TRPS1: variants seen among roughly 807,000 people sequenced by gnomAD.
TRPS1 encodes the protein zinc finger transcription factor Trps1.
TRPS1 carries 6 observed loss-of-function variants against 101.2 expected under a neutral mutation model. That is an observed-to-expected ratio of 0.06 (90% CI 0.03 to 0.12). TRPS1 has a LOEUF of 0.12. Among genes scored for constraint, TRPS1 ranks in the 10% least tolerant of loss-of-function variants. The probability of loss-of-function intolerance (pLI) is 1.00; values close to 1 mark genes in which losing one functional copy is unlikely to be tolerated. For missense variants in TRPS1, 1,363 were observed against 1,567.0 expected, an observed-to-expected ratio of 0.87 and a Z score of 2.20; for synonymous variants, 578 against 589.8, an observed-to-expected ratio of 0.98 and a Z score of 0.29.
chr8:115,493,885 A>G (rs908737436), intron 5 of TRPS1, among the ~76,000 whole-genome samples: 2 of 152,226 alleles, frequency 1.3e-5, no homozygotes, highest in African/African-American at 4.8e-5. Flanking sequence ...GGGCTATAGC[A>G]TGGAATTATT....
Position 115,457,505 on chromosome 8 carries a change from T to C in TRPS1, c.2701-39053A>G, listed in dbSNP as rs1486374953. On this transcript the variant is annotated intron_variant, in intron 5 of 6. Coordinates refer to ENST00000395715, the MANE Select transcript of TRPS1 (RefSeq NM_014112.5). ...TTTAATGGGTTCAGAGTTTCAGTTT[T>C]AGAAGATCAGAGTTCTGGAGATGGA... Among the ~76,000 whole-genome samples, 4 of 152,164 alleles carry C rather than the reference T, an allele frequency of 2.6e-5. No homozygotes were observed. In the East Asian group the frequency reaches 7.7e-4, roughly 29 times the overall value.
At chr8:115,439,704 C>T (rs1417632106) in intron 5 of TRPS1, among the ~76,000 whole-genome samples, 3 of 152,144 alleles carry the variant, frequency 2.0e-5, no homozygotes, top group African/African-American at 2.4e-5. Context: ...AGCCGTTTGT[C>T]CCTTCTGCTG....
At chr8:115,524,303 C>T (rs1815939077) in intron 5 of TRPS1, among the ~76,000 whole-genome samples, 1 of 137,464 alleles carries the variant, frequency 7.3e-6, no homozygotes, top group Non-Finnish European at 1.6e-5. Context: ...GTTTTCTTTG[C>T]ATTTTCTTCT....
At chr8:115,547,066 T>G (rs1440801096) in intron 5 of TRPS1, among the ~76,000 whole-genome samples, 1 of 152,216 alleles carries the variant, frequency 6.6e-6, no homozygotes, top group Non-Finnish European at 1.5e-5. Context: ...GCATCCAAAT[T>G]ACGGGATGTT....
Position 115,587,339 on chromosome 8 carries a change from C to G in TRPS1, c.2362G>C (p.Gly788Arg). 1 of 1,614,190 alleles carries G rather than the reference C, an allele frequency of 6.2e-7. No individual in the cohort carries two copies. Among genetic ancestry groups the G allele is most frequent in the Non-Finnish European group, 8.5e-7 (1 of 1,180,026 alleles). Reference sequence around the variant, plus strand: ...TCGGTCCAAACTTTCTCTTTGAGCCCGTCCTTCTCTTCCAGCTTCTCTCTC... The same window carrying G: ...TCGGTCCAAACTTTCTCTTTGAGCCGGTCCTTCTCTTCCAGCTTCTCTCTC... ...VKREKLEEKD[G>R]LKEKVWTESS... is the part of the protein sequence containing the mutation. The change falls in exon 5 of 7, where the codon GGG becomes CGG. Residue 788 changes from glycine to arginine, a missense_variant. Physicochemically the swap from Gly to Arg is moderately radical, Grantham distance 125 (BLOSUM62 -2). This residue lies in a region of TRPS1 where 1,020 missense variants were observed against 1,073.0 expected (regional missense o/e 0.95). Coordinates refer to ENST00000395715, the MANE Select transcript of TRPS1 (RefSeq NM_014112.5).
chr8:115,412,946 G>A lies in TRPS1; in HGVS notation c.*1077C>T, dbSNP rs981392991. 1 of 152,542 alleles carries A rather than the reference G, an allele frequency of 6.6e-6. No individual in the cohort carries two copies. The highest frequency in any genetic ancestry group is 1.5e-5 in the Non-Finnish European group (1 of 68,020). The allele number at this position is 152,542 out of a possible 1,614,324, so 9.4% of individuals were successfully genotyped here. ...GGATTGGCTGGTACATATACCAACT[G>A]TCAGTCTGTGGTAACGTAACCTTAG... is the stretch of plus-strand genomic sequence containing the variant. On this transcript the variant is annotated 3_prime_UTR_variant, in exon 7 of 7. Coordinates refer to ENST00000395715, the MANE Select transcript of TRPS1 (RefSeq NM_014112.5).
At chr8:115,595,088 G>A (rs547623948) in intron 4 of TRPS1, among the ~76,000 whole-genome samples, 21 of 151,968 alleles carry the variant, frequency 1.4e-4, no homozygotes, top group Non-Finnish European at 2.8e-4. Context: ...TAATTGATTA[G>A]ACTTTCAGAG....
At chr8:115,533,461 C>CTTTTTTTTTTTTTTTTTTA (rs1381965854) in intron 5 of TRPS1, among the ~76,000 whole-genome samples, 1 of 14,276 alleles carries the variant, frequency 7.0e-5, no homozygotes, top group Non-Finnish European at 1.2e-4. Context: ...TTTTTTTTTC[C>CTTTTTTTTTTTTTTTTTTA]TGAAAAAAAT....
At chr8:115,545,845 G>A (rs1011487189) in intron 5 of TRPS1, among the ~76,000 whole-genome samples, 1 of 152,068 alleles carries the variant, frequency 6.6e-6, no homozygotes, top group Non-Finnish European at 1.5e-5. Context: ...CAGATTCAAA[G>A]AAGTGAAAAG....
chr8:115,553,216 G>T (rs913193276), intron 5 of TRPS1, among the ~76,000 whole-genome samples: 3 of 151,822 alleles, frequency 2.0e-5, no homozygotes, highest in African/African-American at 7.3e-5. Flanking sequence ...TGAGTAAGTA[G>T]TATTTTTTGT....
chr8:115,647,502 G>A (rs1022782596), intron 1 of TRPS1, among the ~76,000 whole-genome samples: 13 of 151,992 alleles, frequency 8.6e-5, no homozygotes, highest in African/African-American at 2.9e-4. Flanking sequence ...CACTCCAAAA[G>A]GCTTCATGTG....
chr8:115,549,463 T>A (rs112464759), intron 5 of TRPS1, among the ~76,000 whole-genome samples: 1 of 152,170 alleles, frequency 6.6e-6, no homozygotes, highest in African/African-American at 2.4e-5. Flanking sequence ...TTTTAATACA[T>A]CAATTGGTAA....
chr8:115,585,555 G>A (rs543449512), intron 5 of TRPS1, among the ~76,000 whole-genome samples: 8 of 152,160 alleles, frequency 5.3e-5, no homozygotes, highest in East Asian at 1.9e-4. Context: ...TTTCATTCCC[G>A]CCTTATAACC....
chr8:115,653,142 C>A (rs1811600572), intron 1 of TRPS1, among the ~76,000 whole-genome samples: 1 of 151,802 alleles, frequency 6.6e-6, no homozygotes, highest in African/African-American at 2.4e-5. Flanking sequence ...CTCTCAAAGT[C>A]AAAGAAGAAA....
intron 5 of TRPS1, among the ~76,000 whole-genome samples, chr8:115,551,998 G>A (rs939763504): frequency 3.9e-5 from 6 of 152,004 alleles, no homozygotes; most frequent in Admixed American, 6.5e-5. Context: ...AATGAGCATC[G>A]CTCTTCAGCT....
intron 5 of TRPS1, among the ~76,000 whole-genome samples, chr8:115,434,766 A>C (rs763039432): frequency 6.6e-6 from 1 of 152,128 alleles, no homozygotes; most frequent in Non-Finnish European, 1.5e-5. Context: ...CTGCCCCTCT[A>C]TTTCTTTGAA....
chr8:115,477,878 G>T (rs568168998), intron 5 of TRPS1, among the ~76,000 whole-genome samples: 2 of 151,396 alleles, frequency 1.3e-5, no homozygotes, highest in South Asian at 4.2e-4. Context: ...AAGTGTGCAT[G>T]CTTTTCCATG....
intron 4 of TRPS1, among the ~76,000 whole-genome samples, chr8:115,595,294 T>C (rs1435234818): frequency 6.6e-6 from 1 of 151,962 alleles, no homozygotes; most frequent in Non-Finnish European, 1.5e-5. Context: ...TTACTGCCAC[T>C]GTAAAATGAT....
At chr8:115,600,278 T>A (rs1338724197) in intron 4 of TRPS1, among the ~76,000 whole-genome samples, 1 of 152,208 alleles carries the variant, frequency 6.6e-6, no homozygotes, top group Non-Finnish European at 1.5e-5. Flanking sequence ...CTATTATTTG[T>A]GTTTTCTACT....
Sources: allele counts gnomAD v4.1 joint callset (sites outside exome capture counted in the v4.1 genomes callset), GRCh38; gene constraint gnomAD v4.1.1; regional missense constraint gnomAD v4.1.1; transcripts MANE v1.5; gene names NCBI Gene and HGNC (gene_info 2026-07-23, HGNC 2026-07-21).